CCSER1: variants seen among roughly 807,000 people sequenced by gnomAD.
CCSER1 encodes the protein serine-rich coiled-coil domain-containing protein 1.
CCSER1 carries 41 observed loss-of-function variants against 82.0 expected under a neutral mutation model. The ratio of observed to expected loss-of-function variants is 0.50; its 90% CI spans 0.39 to 0.65. The LOEUF is 0.65. Ranked by LOEUF, CCSER1 falls within the 30% of genes least tolerant of loss-of-function variation. The pLI is 0.00. For missense variants in CCSER1, 1,119 were observed against 1,064.2 expected (o/e 1.05, Z -0.72); for synonymous variants, 414 against 383.9 (o/e 1.08, Z -0.92).
intron 9 of CCSER1, among the ~76,000 whole-genome samples, chr4:91,014,703 T>C (rs1739276890): frequency 6.6e-6 from 1 of 152,204 alleles, no homozygotes; most frequent in Non-Finnish European, 1.5e-5. Flanking sequence ...AAAATATTAA[T>C]AGAAATCTAC....
chr4:90,595,921 T>A (rs998464370), intron 5 of CCSER1, among the ~76,000 whole-genome samples: 4 of 151,938 alleles, frequency 2.6e-5, no homozygotes, highest in Non-Finnish European at 4.4e-5. Flanking sequence ...GAGAAAAACC[T>A]CTTATATAAA....
intron 7 of CCSER1, among the ~76,000 whole-genome samples, chr4:90,792,907 G>A (rs1755467046): frequency 6.6e-6 from 1 of 152,188 alleles, no homozygotes; most frequent in South Asian, 2.1e-4. Context: ...TGCTGATAGG[G>A]CTGGTACCTG....
At position 91,601,427 on chromosome 4, in the gene CCSER1, G is replaced by GT. The variant is rs1764811484; in HGVS notation, c.*2371dup. ...TATAATATTATTTGTAATACTAAGT[G>GT]TAACTCAGGCCTGGAGAAGGTGTAA... On this transcript the variant is annotated 3_prime_UTR_variant, in exon 11 of 11. Coordinates refer to ENST00000509176, the MANE Select transcript of CCSER1 (RefSeq NM_001145065.2). 1 of 151,962 alleles carries GT rather than the reference G, an allele frequency of 6.6e-6. No individual in the cohort carries two copies. Among genetic ancestry groups the GT allele is most frequent in the Non-Finnish European group, 1.5e-5 (1 of 67,938 alleles). The allele number at this position is 151,962 out of a possible 1,614,324, so 9.4% of individuals were successfully genotyped here. A position where few individuals can be genotyped will look rare whatever the true frequency, so the allele number is the denominator to read the frequency against.
chr4:90,970,654 C>A (rs954629304), intron 9 of CCSER1, among the ~76,000 whole-genome samples: 2 of 151,876 alleles, frequency 1.3e-5, no homozygotes, highest in Admixed American at 6.6e-5. Flanking sequence ...CTCAAGCACA[C>A]CTATGACATC....
At chr4:91,022,507 T>C (rs921097301) in intron 9 of CCSER1, among the ~76,000 whole-genome samples, 7 of 152,158 alleles carry the variant, frequency 4.6e-5, no homozygotes, top group African/African-American at 1.7e-4. Context: ...TGATTTATAA[T>C]CCTTTGGGTA....
chr4:91,196,178 C>CAAAAAAAAA (rs61336014), intron 10 of CCSER1, among the ~76,000 whole-genome samples: 17 of 60,828 alleles, frequency 2.8e-4, no homozygotes, highest in African/African-American at 7.2e-4. Flanking sequence ...AACAGCGAGA[C>CAAAAAAAAA]AAAAAAAAAA....
At chr4:91,275,039 G>A (rs1260577222) in intron 10 of CCSER1, among the ~76,000 whole-genome samples, 6 of 152,050 alleles carry the variant, frequency 3.9e-5, no homozygotes, top group Non-Finnish European at 8.8e-5. Context: ...CCGGGAGGCA[G>A]AGCTTGCAGT....
rs188590362 is a variant in CCSER1 at position 91,313,279 on chromosome 4, T to G, written c.2217+227285T>G. ...TTTATTTTTTGGTCTTATTACTAGC[T>G]TTTTCTAAGATTTTTGATGTGTTAA... On this transcript the variant is annotated intron_variant, in intron 10 of 10. Transcript: ENST00000509176. Among the ~76,000 whole-genome samples, 170 of 152,044 alleles carry G rather than the reference T, an allele frequency of 1.1e-3. 4 individuals are homozygous for G. The highest frequency in any genetic ancestry group is 1.7e-3 in the Non-Finnish European group (115 of 67,934).
intron 5 of CCSER1, among the ~76,000 whole-genome samples, chr4:90,587,377 C>T (rs990117296): frequency 3.3e-5 from 5 of 152,018 alleles, no homozygotes; most frequent in African/African-American, 1.2e-4. Flanking sequence ...TTTGGGAGGC[C>T]GAGGTGGGCA....
At chr4:91,356,416 A>G (rs1748837441) in intron 10 of CCSER1, among the ~76,000 whole-genome samples, 1 of 152,264 alleles carries the variant, frequency 6.6e-6, no homozygotes, top group African/African-American at 2.4e-5. Flanking sequence ...TCTTACAACT[A>G]TTTGATTTCA....
chr4:91,047,560 A>G (rs1427309719), intron 9 of CCSER1, among the ~76,000 whole-genome samples: 1 of 152,278 alleles, frequency 6.6e-6, no homozygotes, highest in East Asian at 1.9e-4. Flanking sequence ...ATTTCTGATT[A>G]CTTGCAATTC....
intron 4 of CCSER1, among the ~76,000 whole-genome samples, chr4:90,453,286 T>C (rs1214605541): frequency 6.6e-6 from 1 of 152,170 alleles, no homozygotes; most frequent in Non-Finnish European, 1.5e-5. Context: ...GTTATAGGAA[T>C]TGGGAACCAC....
At chr4:90,331,945 A>G (rs1251641728) in intron 3 of CCSER1, among the ~76,000 whole-genome samples, 1 of 151,972 alleles carries the variant, frequency 6.6e-6, no homozygotes, top group African/African-American at 2.4e-5. Flanking sequence ...AAAATGAGGT[A>G]TCTTCATCTC....
intron 7 of CCSER1, among the ~76,000 whole-genome samples, chr4:90,728,823 G>GA (rs1206913478): frequency 6.6e-6 from 1 of 152,024 alleles, no homozygotes; most frequent in Non-Finnish European, 1.5e-5. Context: ...GAAGTGTGTA[G>GA]AAAAAAAGAT....
chr4:90,963,818 A>G (rs1308012456), intron 9 of CCSER1, among the ~76,000 whole-genome samples: 4 of 152,228 alleles, frequency 2.6e-5, no homozygotes, highest in Non-Finnish European at 5.9e-5. Context: ...AAACTAACGT[A>G]TTGCCTTATG....
intron 10 of CCSER1, among the ~76,000 whole-genome samples, chr4:91,378,663 G>A (rs941204158): frequency 6.6e-6 from 1 of 152,044 alleles, no homozygotes; most frequent in Non-Finnish European, 1.5e-5. Context: ...GAGATGATGG[G>A]GTTTTCTAAA....
intron 9 of CCSER1, among the ~76,000 whole-genome samples, chr4:91,085,598 G>A (rs1723301368): frequency 6.6e-6 from 1 of 152,092 alleles, no homozygotes; most frequent in Non-Finnish European, 1.5e-5. Flanking sequence ...GCTGGTAGGT[G>A]AACTAGAGTA....
intron 4 of CCSER1, among the ~76,000 whole-genome samples, chr4:90,410,870 A>G (rs1455661875): frequency 6.6e-6 from 1 of 152,250 alleles, no homozygotes; most frequent in East Asian, 1.9e-4. Flanking sequence ...AAATTGATAG[A>G]CCACTAGCAA....
At chr4:90,983,004 C>T (rs1736257545) in intron 9 of CCSER1, among the ~76,000 whole-genome samples, 1 of 151,678 alleles carries the variant, frequency 6.6e-6, no homozygotes, top group African/African-American at 2.4e-5. Flanking sequence ...GACCTCAATC[C>T]ATCTCCCTCT....
Sources: gnomAD v4.1 joint callset for allele counts (sites outside exome capture counted in the v4.1 genomes callset) on GRCh38, gnomAD v4.1.1 for gene constraint, MANE v1.5 for transcripts, NCBI Gene and HGNC (gene_info 2026-07-23, HGNC 2026-07-21) for gene names.